NDUFA9: variants seen among roughly 807,000 people sequenced by gnomAD.
NDUFA9 encodes NADH dehydrogenase [ubiquinone] 1 alpha subcomplex subunit 9, mitochondrial.
Under a neutral mutation model 45.9 loss-of-function variants are expected in NDUFA9, and 23 were observed. The ratio of observed to expected loss-of-function variants is 0.50; its 90% CI spans 0.36 to 0.71. NDUFA9 has a LOEUF of 0.71. Among genes scored for constraint, NDUFA9 ranks in the 30% least tolerant of loss-of-function variants. The pLI is 0.00. For synonymous variants in NDUFA9, 176 were observed against 170.5 expected, an observed-to-expected ratio of 1.03 and a Z score of -0.25; for missense variants, 466 against 488.2, an observed-to-expected ratio of 0.95 and a Z score of 0.43.
intron 8 of NDUFA9, among the ~76,000 whole-genome samples, chr12:4,672,269 A>G (rs1336220771): frequency 1.3e-5 from 2 of 152,170 alleles, no homozygotes; most frequent in Non-Finnish European, 2.9e-5. Context: ...TGCCCATGCC[A>G]CCAGGGCCCT....
Position 4,662,566 on chromosome 12 carries a change from C to T in NDUFA9, c.586C>T (p.Pro196Ser), listed in dbSNP as rs1454955831. The T allele has an allele frequency of 1.2e-6, 2 of 1,613,812 alleles. No homozygotes were observed. The highest frequency in any genetic ancestry group is 1.7e-6 in the Non-Finnish European group (2 of 1,179,870). ...VGEKVVRDAF[P>S]EAIIVKPSDI... Reference sequence around the variant, plus strand: ...AGAGAAAGTAGTGAGAGATGCATTTCCGGAAGCCATTATCGTAAAGCCGTC... The same window carrying T: ...AGAGAAAGTAGTGAGAGATGCATTTTCGGAAGCCATTATCGTAAAGCCGTC... Residue 196 changes from proline to serine, a missense_variant, in exon 6 of 11, where the codon CCG (proline) becomes TCG (serine). Pro to Ser is a moderately conservative substitution (Grantham distance 74, BLOSUM62 -1). Coordinates refer to ENST00000266544, the MANE Select transcript of NDUFA9 (RefSeq NM_005002.5).
intron 8 of NDUFA9, among the ~76,000 whole-genome samples, chr12:4,675,961 C>T (rs1335452241): frequency 6.6e-6 from 1 of 152,198 alleles, no homozygotes; most frequent in African/African-American, 2.4e-5. Flanking sequence ...AAGTTGGCTT[C>T]ATCCGGGGAT....
intron 8 of NDUFA9, among the ~76,000 whole-genome samples, chr12:4,679,311 G>A (rs779923089): frequency 6.6e-6 from 1 of 152,066 alleles, no homozygotes; most frequent in Non-Finnish European, 1.5e-5. Flanking sequence ...TTCTAAAACT[G>A]GATTATGGTA....
At chr12:4,671,444 TTATTA>T (rs1168097809) in intron 8 of NDUFA9, among the ~76,000 whole-genome samples, 2 of 152,058 alleles carry the variant, frequency 1.3e-5, no homozygotes, top group East Asian at 1.9e-4. Flanking sequence ...ACAATTAAAT[TTATTA>T]TATTATACCT....
chr12:4,652,888 C>T (rs1186380391), intron 1 of NDUFA9, among the ~76,000 whole-genome samples: 1 of 152,242 alleles, frequency 6.6e-6, no homozygotes, highest in Non-Finnish European at 1.5e-5. Flanking sequence ...GGCTATTTCT[C>T]CAATTCAATA....
chr12:4,692,861 T>C lies in NDUFA9; in HGVS notation c.*5753T>C, dbSNP rs1946025488. 1 of 152,724 alleles carries C rather than the reference T, an allele frequency of 6.5e-6. No individual in the cohort carries two copies. Among genetic ancestry groups the C allele is most frequent in the Non-Finnish European group, 1.5e-5 (1 of 68,448 alleles). 9.5% of individuals were successfully genotyped at this position (152,724 alleles called of 1,614,324 possible). On this transcript the variant is annotated 3_prime_UTR_variant, in exon 11 of 11. Transcript: ENST00000266544. ...TAAAGGAGTACCTGAAGCTGGGTAA[T>C]TAATAAAGAAAAGGGGTTTATTTGG...
rs780068308 is a variant in NDUFA9, at chr12:4,687,073, G to A, written c.1099G>A (p.Glu367Lys). 5 of 1,614,200 alleles carry A rather than the reference G, an allele frequency of 3.1e-6. No individual in the cohort carries two copies. In the South Asian group the frequency reaches 5.5e-5, roughly 18 times the overall value. The change falls in exon 11 of 11, where the codon GAG (glutamate) becomes AAG (lysine). Residue 367 changes from glutamate (E) to lysine (K), a missense_variant. By Grantham distance (56) the Glu-to-Lys change is moderately conservative. Coordinates refer to ENST00000266544, the MANE Select transcript of NDUFA9 (RefSeq NM_005002.5). Reference sequence around the variant, plus strand: ...TTACCGCTGGCTGTCTGCTGAAATTGAGGATGTGAAGCCGGCCAAGACCGT... The same window carrying A: ...TTACCGCTGGCTGTCTGCTGAAATTAAGGATGTGAAGCCGGCCAAGACCGT... ...RTYRWLSAEI[E>K]DVKPAKTVNI
chr12:4,655,042 T>G (rs1046678219), intron 3 of NDUFA9, 120 bp downstream of exon 3: 1 of 707,596 alleles, frequency 1.4e-6, no homozygotes, highest in Non-Finnish European at 2.3e-6. Context: ...AGGCATCCTC[T>G]GTTCCCAGGT....
chr12:4,677,721 A>G (rs758274803), intron 8 of NDUFA9, among the ~76,000 whole-genome samples: 2 of 152,212 alleles, frequency 1.3e-5, no homozygotes, highest in African/African-American at 4.8e-5. Context: ...TGTGGAAGAC[A>G]GTGTGGCAAT....
At position 4,668,441 on chromosome 12, in the gene NDUFA9, T is replaced by G; in HGVS notation, c.656-16T>G. 10 of 1,608,696 alleles carry G rather than the reference T, an allele frequency of 6.2e-6. No homozygotes were observed. Among genetic ancestry groups the G allele is most frequent in the Non-Finnish European group, 7.7e-6 (9 of 1,175,042 alleles). The stretch of plus-strand genomic sequence containing the variant: ...TTAAGCCTTCTCAGTATAGTTCTCA[T>G]TCTTTCTTCCGCTAGGTATGCATCG... On this transcript the variant is annotated splice_polypyrimidine_tract_variant and intron_variant, in intron 6 of 10. Coordinates refer to ENST00000266544, the MANE Select transcript of NDUFA9 (RefSeq NM_005002.5).
chr12:4,689,949 G>C lies in NDUFA9; in HGVS notation c.*2841G>C, dbSNP rs563672268. 1.4e-4 allele frequency: 22 copies of C among 153,670 alleles called. No homozygotes were observed. Among genetic ancestry groups the C allele is most frequent in the African/African-American group, 5.3e-4 (22 of 41,598 alleles). The allele number at this position is 153,670 out of a possible 1,614,324, so 9.5% of individuals were successfully genotyped here. A position where few individuals can be genotyped will look rare whatever the true frequency, so the allele number is the denominator to read the frequency against. Reference sequence around the variant, plus strand: ...AGGCGCCCCCCACACAAACACTGAAGCCGTAGCATTGACTAAGGAAACAAT... The same window carrying C: ...AGGCGCCCCCCACACAAACACTGAACCCGTAGCATTGACTAAGGAAACAAT... On this transcript the variant is annotated 3_prime_UTR_variant, in exon 11 of 11. Transcript: ENST00000266544.
At chr12:4,681,250 T>C (rs1457531404) in intron 8 of NDUFA9, among the ~76,000 whole-genome samples, 3 of 152,162 alleles carry the variant, frequency 2.0e-5, no homozygotes, top group Non-Finnish European at 2.9e-5. Flanking sequence ...TCAGTAGTTT[T>C]GGTTAAATTA....
intron 8 of NDUFA9, among the ~76,000 whole-genome samples, chr12:4,676,483 C>T (rs977240719): frequency 1.3e-5 from 2 of 152,066 alleles, no homozygotes; most frequent in African/African-American, 4.8e-5. Context: ...ACAAGCATTC[C>T]CATACACCAA....
rs780646966 is a variant in NDUFA9, at chr12:4,659,155, C to A, written c.530C>A (p.Ser177Tyr). The A allele has an allele frequency of 4.3e-6, 7 of 1,611,860 alleles. No homozygotes were observed. Among genetic ancestry groups the A allele is most frequent in the South Asian group, 1.1e-5 (1 of 90,962 alleles). ...VSHLNANIKS[S>Y]SRYLRNKAVG... ...CATCTGAATGCGAATATTAAAAGCTCTTCTAGATATTTGAGAAATAAGGTA... is the reference window on the plus strand; with the variant it reads ...CATCTGAATGCGAATATTAAAAGCTATTCTAGATATTTGAGAAATAAGGTA... Residue 177 changes from serine (S) to tyrosine (Y), a missense_variant, in exon 5 of 11, where the codon TCT becomes TAT. Physicochemically the swap from Ser to Tyr is moderately radical, Grantham distance 144. Transcript: ENST00000266544.
chr12:4,683,613 C>G (rs903055719), intron 9 of NDUFA9, among the ~76,000 whole-genome samples: 1 of 152,120 alleles, frequency 6.6e-6, no homozygotes, highest in Non-Finnish European at 1.5e-5. Context: ...ACTTTGTCTC[C>G]TTTAATACTC....
Position 4,654,829 on chromosome 12 carries a change from C to G in NDUFA9, c.225C>G (p.Arg75=). Residue 75 remains arginine, a synonymous_variant, in exon 3 of 11, where the codon CGC becomes CGG. Transcript: ENST00000266544. Reference sequence around the variant, plus strand: ...TTTCAATCCATTCTCTTTTAGGACGCATGGGGTCACAGGTAATCATACCCT... The same window carrying G: ...TTTCAATCCATTCTCTTTTAGGACGGATGGGGTCACAGGTAATCATACCCT... ...LGRYVVNHLG[R]MGSQVIIPYR... is the part of the protein sequence containing the mutation. The G allele has an allele frequency of 6.2e-7, 1 of 1,610,446 alleles. No individual in the cohort carries two copies. The highest frequency in any genetic ancestry group is 8.5e-7 in the Non-Finnish European group (1 of 1,178,224).
intron 7 of NDUFA9, 61 bp from the exon 8 acceptor site, chr12:4,669,680 C>A: frequency 1.9e-6 from 2 of 1,077,278 alleles, no homozygotes; most frequent in South Asian, 1.4e-5. Context: ...TTCTATCTCT[C>A]CATCTCCCAT....
chr12:4,668,037 C>T (rs1015389940), intron 6 of NDUFA9, among the ~76,000 whole-genome samples: 1 of 152,076 alleles, frequency 6.6e-6, no homozygotes, highest in African/African-American at 2.4e-5. Context: ...CTGTATCACT[C>T]ATCTGTTGAT....
chr12:4,677,481 G>A (rs569831118), intron 8 of NDUFA9, among the ~76,000 whole-genome samples: 45 of 152,210 alleles, frequency 3.0e-4, no homozygotes, highest in Admixed American at 2.6e-3. Context: ...AAAAGTGAGC[G>A]AAAGATATGA....
Sources: gnomAD v4.1 joint callset for allele counts (sites outside exome capture counted in the v4.1 genomes callset) on GRCh38, gnomAD v4.1.1 for gene constraint, MANE v1.5 for transcripts, NCBI Gene and HGNC (gene_info 2026-07-23, HGNC 2026-07-21) for gene names.